The following ADAM32 variants were observed in gnomAD, a reference collection of about 807,000 sequenced individuals.
The protein encoded by ADAM32 is disintegrin and metalloproteinase domain-containing protein 32.
In ADAM32, 89 loss-of-function variants were observed where a neutral mutation model predicts 114.9. The observed-to-expected ratio is 0.77, with a 90% confidence interval of 0.65 to 0.92. The LOEUF (loss-of-function observed/expected upper bound fraction) is 0.92, where lower values mean the gene tolerates loss of function less well. ADAM32 is among the 40% of genes least tolerant of loss of function. The pLI is 0.00. For missense variants in ADAM32, 870 were observed against 932.8 expected, an observed-to-expected ratio of 0.93 and a Z score of 0.88; for synonymous variants, 285 against 307.5, an observed-to-expected ratio of 0.93 and a Z score of 0.77.
chr8:39,223,821 G>A (rs991704603), intron 14 of ADAM32: 3 of 151,950 alleles, frequency 2.0e-5, no homozygotes, highest in African/African-American at 7.3e-5. Flanking sequence ...TCAGCCTCTT[G>A]CAACCATCAT....
At chr8:39,160,766 T>C in intron 6 of ADAM32, 131 bp from the exon 7 acceptor site, 1 of 787,456 alleles carries the variant, frequency 1.3e-6, no homozygotes, top group East Asian at 3.0e-5. Flanking sequence ...TATTTATTAA[T>C]TTTAACCAAT....
At chr8:39,155,522 G>A (rs986655979) in intron 6 of ADAM32, among the ~76,000 whole-genome samples, 1 of 152,160 alleles carries the variant, frequency 6.6e-6, no homozygotes, top group Non-Finnish European at 1.5e-5. Context: ...AATAGTCAAT[G>A]GATGGATTAA....
chr8:39,206,058 G>A (rs1807811901), intron 11 of ADAM32, among the ~76,000 whole-genome samples: 1 of 152,194 alleles, frequency 6.6e-6, no homozygotes, highest in Non-Finnish European at 1.5e-5. Flanking sequence ...CCCTGTAGAT[G>A]TATTTATAGT....
At chr8:39,273,536 A>ACAAACAAAAAAACAAACAAACAAG (rs1812876782) in intron 20 of ADAM32, among the ~76,000 whole-genome samples, 2 of 152,056 alleles carry the variant, frequency 1.3e-5, no homozygotes, top group East Asian at 3.9e-4. Context: ...CAAAAAACAA[A>ACAAACAAAAAAACAAACAAACAAG]CAAACAAACA....
chr8:39,284,718 C>T, intron 24 of ADAM32, 75 bp from the exon 25 acceptor site: 3 of 1,541,512 alleles, frequency 1.9e-6, no homozygotes, highest in South Asian at 1.1e-5. Context: ...CTTGGCAATA[C>T]CTCAGCTGCT....
chr8:39,141,095 GTCTT>G (rs1803125220), intron 3 of ADAM32, among the ~76,000 whole-genome samples: 1 of 151,706 alleles, frequency 6.6e-6, no homozygotes, highest in Non-Finnish European at 1.5e-5. Flanking sequence ...TTCTTTATTA[GTCTT>G]GCTAGTGGTC....
chr8:39,208,039 T>G (rs2129448195), intron 11 of ADAM32, among the ~76,000 whole-genome samples: 1 of 152,258 alleles, frequency 6.6e-6, no homozygotes, highest in Non-Finnish European at 1.5e-5. Context: ...AACATGGGAG[T>G]GCAAATATCT....
intron 11 of ADAM32, among the ~76,000 whole-genome samples, chr8:39,191,149 AC>A: frequency 6.6e-6 from 1 of 152,236 alleles, no homozygotes; most frequent in East Asian, 1.9e-4. Context: ...CATCTAGTCT[AC>A]CACTGATGAG....
At chr8:39,226,541 A>C (rs566861750) in intron 14 of ADAM32, among the ~76,000 whole-genome samples, 1 of 152,156 alleles carries the variant, frequency 6.6e-6, no homozygotes, top group Non-Finnish European at 1.5e-5. Flanking sequence ...AAGAGAAAAA[A>C]AAAGATTAAG....
intron 1 of ADAM32, among the ~76,000 whole-genome samples, chr8:39,111,096 T>C (rs1384266970): frequency 6.6e-6 from 1 of 152,232 alleles, no homozygotes; most frequent in African/African-American, 2.4e-5. Flanking sequence ...TGTGACTGAA[T>C]AATATTTCAT....
chr8:39,223,377 T>C (rs1809120631), intron 14 of ADAM32, 139 bp downstream of exon 14: 1 of 399,588 alleles, frequency 2.5e-6, no homozygotes, highest in Admixed American at 4.6e-5. Context: ...ATATATATTT[T>C]ATTATATATA....
intron 12 of ADAM32, among the ~76,000 whole-genome samples, chr8:39,215,488 G>T (rs905401325): frequency 6.6e-6 from 1 of 151,826 alleles, no homozygotes; most frequent in Non-Finnish European, 1.5e-5. Context: ...TTACCATATA[G>T]AAATGTTTTT....
chr8:39,246,233 C>A, intron 17 of ADAM32, 67 bp downstream of exon 17: 1 of 1,482,442 alleles, frequency 6.7e-7, no homozygotes, highest in Admixed American at 1.8e-5. Flanking sequence ...CATTAATTTA[C>A]TGACATTTTT....
chr8:39,282,905 C>T (rs1238848088), intron 23 of ADAM32, among the ~76,000 whole-genome samples: 1 of 151,980 alleles, frequency 6.6e-6, no homozygotes, highest in African/African-American at 2.4e-5. Context: ...TAGGAAAAAT[C>T]AACAGTAAGT....
intron 11 of ADAM32, among the ~76,000 whole-genome samples, chr8:39,201,409 C>G (rs565458376): frequency 1.3e-5 from 2 of 151,694 alleles, no homozygotes; most frequent in African/African-American, 4.8e-5. Flanking sequence ...GGAGTTCACT[C>G]ATGATTTGGC....
At chr8:39,263,208 G>A (rs1373955234) in intron 19 of ADAM32, among the ~76,000 whole-genome samples, 1 of 152,076 alleles carries the variant, frequency 6.6e-6, no homozygotes, top group Non-Finnish European at 1.5e-5. Context: ...ATTAATTATA[G>A]GTTATATGGG....
chr8:39,284,715 A>C, intron 24 of ADAM32, 78 bp from the exon 25 acceptor site: 1 of 1,519,804 alleles, frequency 6.6e-7, no homozygotes, highest in South Asian at 1.2e-5. Flanking sequence ...CCACTTGGCA[A>C]TACCTCAGCT....
chr8:39,111,365 T>G (rs1365102089), intron 1 of ADAM32, among the ~76,000 whole-genome samples: 1 of 152,198 alleles, frequency 6.6e-6, no homozygotes, highest in Non-Finnish European at 1.5e-5. Flanking sequence ...CCTCCTCATG[T>G]AAACAGTAGA....
At chr8:39,133,764 G>A (rs1802605885) in intron 2 of ADAM32, among the ~76,000 whole-genome samples, 1 of 152,186 alleles carries the variant, frequency 6.6e-6, no homozygotes, top group Non-Finnish European at 1.5e-5. Context: ...AGGTGGGGCT[G>A]GCCAGATATC....
Sources: gnomAD v4.1 joint callset for allele counts (sites outside exome capture counted in the v4.1 genomes callset) on GRCh38, gnomAD v4.1.1 for gene constraint, MANE v1.5 for transcripts, NCBI Gene and HGNC (gene_info 2026-07-23, HGNC 2026-07-21) for gene names.